The following IMMP2L variants were observed in gnomAD, a reference collection of about 807,000 sequenced individuals.
IMMP2L encodes the protein mitochondrial inner membrane protease subunit 2.
In IMMP2L, 18 loss-of-function variants were observed where a neutral mutation model predicts 19.3. The ratio of observed to expected loss-of-function variants is 0.93; its 90% CI spans 0.64 to 1.38. IMMP2L has a LOEUF of 1.38. Ranked by LOEUF, IMMP2L falls within the 40% of genes most tolerant of loss-of-function variation. The pLI is 0.00. For missense variants in IMMP2L, 233 were observed against 218.2 expected, an observed-to-expected ratio of 1.07 and a Z score of -0.43; for synonymous variants, 76 against 73.0, an observed-to-expected ratio of 1.04 and a Z score of -0.21.
intron 3 of IMMP2L, among the ~76,000 whole-genome samples, chr7:111,065,310 T>C (rs1405496241): frequency 6.6e-6 from 1 of 152,202 alleles, no homozygotes; most frequent in African/African-American, 2.4e-5. Context: ...TTGGTGCATT[T>C]CCGGTTGTAG....
intron 3 of IMMP2L, among the ~76,000 whole-genome samples, chr7:111,049,405 A>G (rs1038287266): frequency 7.2e-5 from 11 of 152,226 alleles, no homozygotes; most frequent in Admixed American, 7.2e-4. Context: ...TGCTGGGATT[A>G]CAGGCGTGAG....
chr7:110,702,892 A>G (rs1255385374), intron 5 of IMMP2L, among the ~76,000 whole-genome samples: 1 of 151,992 alleles, frequency 6.6e-6, no homozygotes, highest in Non-Finnish European at 1.5e-5. Context: ...ATTCTCTCTC[A>G]TTTCTTTTTC....
At chr7:111,476,624 C>G (rs185846508) in intron 3 of IMMP2L, among the ~76,000 whole-genome samples, 1 of 152,272 alleles carries the variant, frequency 6.6e-6, no homozygotes, top group African/African-American at 2.4e-5. Flanking sequence ...CCAGGATAAT[C>G]TATTTCCAGG....
At chr7:111,351,690 C>T (rs528717290) in intron 3 of IMMP2L, among the ~76,000 whole-genome samples, 1 of 152,148 alleles carries the variant, frequency 6.6e-6, no homozygotes, top group Non-Finnish European at 1.5e-5. Flanking sequence ...ATTCCAAAAA[C>T]AAAAGGCACC....
chr7:110,974,914 ACATCT>A (rs1820533316), intron 3 of IMMP2L, among the ~76,000 whole-genome samples: 1 of 152,138 alleles, frequency 6.6e-6, no homozygotes, highest in Admixed American at 6.6e-5. Flanking sequence ...AATTTTGTAA[ACATCT>A]CATCTTTTAC....
intron 4 of IMMP2L, among the ~76,000 whole-genome samples, chr7:110,942,621 T>A (rs998446035): frequency 4.0e-5 from 6 of 151,786 alleles, no homozygotes; most frequent in African/African-American, 1.4e-4. Context: ...CACTGACAGT[T>A]TAGCTCATCA....
chr7:111,027,314 T>G (rs759148761), intron 3 of IMMP2L, among the ~76,000 whole-genome samples: 1 of 152,186 alleles, frequency 6.6e-6, no homozygotes, highest in Non-Finnish European at 1.5e-5. Context: ...TGATGTTGTG[T>G]TGCTTATGTA....
intron 2 of IMMP2L, among the ~76,000 whole-genome samples, chr7:111,489,561 T>C (rs1009996683): frequency 2.0e-5 from 3 of 152,184 alleles, no homozygotes; most frequent in African/African-American, 7.2e-5. Flanking sequence ...AGCCAGTCCC[T>C]GGAGCAGTAA....
At chr7:111,000,110 G>A (rs902742453) in intron 3 of IMMP2L, among the ~76,000 whole-genome samples, 6 of 152,054 alleles carry the variant, frequency 3.9e-5, no homozygotes, top group Admixed American at 3.9e-4. Context: ...GTTTTCCTAG[G>A]CACCTGCCAG....
At chr7:111,364,213 G>A (rs1405053189) in intron 3 of IMMP2L, among the ~76,000 whole-genome samples, 2 of 151,976 alleles carry the variant, frequency 1.3e-5, no homozygotes, top group Non-Finnish European at 2.9e-5. Flanking sequence ...AAAACAAAAC[G>A]TGATTGTTAA....
intron 5 of IMMP2L, among the ~76,000 whole-genome samples, chr7:110,665,746 T>C (rs1791405092): frequency 6.6e-6 from 1 of 152,310 alleles, no homozygotes; most frequent in South Asian, 2.1e-4. Context: ...CCAAGTTTGA[T>C]CACTTAAGGC....
At chr7:111,263,457 G>A (rs1160193549) in intron 3 of IMMP2L, among the ~76,000 whole-genome samples, 1 of 152,088 alleles carries the variant, frequency 6.6e-6, no homozygotes, top group Non-Finnish European at 1.5e-5. Flanking sequence ...GGAGAACCAT[G>A]GGAAACAGCT....
chr7:111,083,541 A>T (rs557565051), intron 3 of IMMP2L, among the ~76,000 whole-genome samples: 8 of 152,316 alleles, frequency 5.3e-5, no homozygotes, highest in African/African-American at 1.9e-4. Flanking sequence ...GCCTCAAAAG[A>T]TCACTGAAGA....
At chr7:110,953,103 A>C (rs1418143770) in intron 4 of IMMP2L, among the ~76,000 whole-genome samples, 1 of 152,136 alleles carries the variant, frequency 6.6e-6, no homozygotes, top group Non-Finnish European at 1.5e-5. Context: ...TTAGAAATAT[A>C]TTTCAAGTGC....
intron 5 of IMMP2L, among the ~76,000 whole-genome samples, chr7:110,687,684 T>G (rs923262058): frequency 6.6e-6 from 1 of 151,578 alleles, no homozygotes; most frequent in Non-Finnish European, 1.5e-5. Flanking sequence ...TTACACTTTT[T>G]GATGAAATAG....
At chr7:111,368,752 G>A (rs1254481128) in intron 3 of IMMP2L, among the ~76,000 whole-genome samples, 1 of 151,904 alleles carries the variant, frequency 6.6e-6, no homozygotes, top group Admixed American at 6.6e-5. Flanking sequence ...AGCATAAGGG[G>A]ATAAAATTAT....
At chr7:111,259,677 T>C (rs940030979) in intron 3 of IMMP2L, among the ~76,000 whole-genome samples, 3 of 151,790 alleles carry the variant, frequency 2.0e-5, no homozygotes, top group Non-Finnish European at 4.4e-5. Flanking sequence ...AATAATAAAT[T>C]AAGCTTAACT....
At chr7:110,903,185 C>T (rs258989) in intron 4 of IMMP2L, among the ~76,000 whole-genome samples, 68,892 of 151,818 alleles carry the variant, frequency 0.45, 16,245 homozygotes, top group East Asian at 0.8. Context: ...ACACTGATTA[C>T]GGGGCAATAT....
chr7:111,450,765 A>C (rs1839064008), intron 3 of IMMP2L, among the ~76,000 whole-genome samples: 1 of 151,446 alleles, frequency 6.6e-6, no homozygotes, highest in Non-Finnish European at 1.5e-5. Flanking sequence ...CATCAGACTG[A>C]ACAGGCAACC....
Sources: gnomAD v4.1 joint callset for allele counts (sites outside exome capture counted in the v4.1 genomes callset) on GRCh38, gnomAD v4.1.1 for gene constraint, MANE v1.5 for transcripts, NCBI Gene and HGNC (gene_info 2026-07-23, HGNC 2026-07-21) for gene names.